PPM1L: variants seen among roughly 807,000 people sequenced by gnomAD.
PPM1L encodes the protein protein phosphatase, Mg2+/Mn2+ dependent 1L.
In PPM1L, 13 loss-of-function variants were observed where a neutral mutation model predicts 31.4. That is an observed-to-expected ratio of 0.41 (90% CI 0.27 to 0.66). The LOEUF (loss-of-function observed/expected upper bound fraction) is 0.66, where lower values mean the gene tolerates loss of function less well. Ranked by LOEUF, PPM1L falls within the 30% of genes least tolerant of loss-of-function variation. PPM1L has a pLI of 0.29. For missense variants in PPM1L, 326 were observed against 453.7 expected (o/e 0.72, Z 2.56); for synonymous variants, 184 against 175.4 (o/e 1.05, Z -0.39).
In PPM1L at chr3:160,849,883, G is replaced by C. The variant is rs529371136; in HGVS notation, c.399+93176G>C. 2.6e-5 allele frequency among the ~76,000 whole-genome samples: 4 copies of C among 152,298 alleles called. No individual in the cohort carries two copies. In the South Asian group the frequency reaches 8.3e-4, roughly 32 times the overall value. On this transcript the variant is annotated intron_variant, in intron 1 of 3. Coordinates refer to ENST00000498165, the MANE Select transcript of PPM1L (RefSeq NM_139245.4). Reference sequence around the variant, plus strand: ...GATTAGGAAAAACAAGCCATGCCTTGTCTTCCATACACTCACACCCAACAC... The same window carrying C: ...GATTAGGAAAAACAAGCCATGCCTTCTCTTCCATACACTCACACCCAACAC...
At chr3:160,757,711 C>G (rs1714851789) in intron 1 of PPM1L, among the ~76,000 whole-genome samples, 1 of 152,252 alleles carries the variant, frequency 6.6e-6, no homozygotes. Flanking sequence ...GGGTTCATTG[C>G]TGCATACTCT....
intron 1 of PPM1L, chr3:160,842,150 T>C: frequency 3.1e-6 from 2 of 655,248 alleles, no homozygotes; most frequent in South Asian, 3.4e-5. Flanking sequence ...TTTGTGTGCG[T>C]GCATCCTGAA....
chr3:160,832,898 T>C (rs1167508813), intron 1 of PPM1L, among the ~76,000 whole-genome samples: 6 of 152,146 alleles, frequency 3.9e-5, no homozygotes, highest in African/African-American at 1.4e-4. Flanking sequence ...ATTAGCTCTT[T>C]TTCCTAATGC....
intron 2 of PPM1L, among the ~76,000 whole-genome samples, chr3:161,031,417 G>A (rs1250762393): frequency 2.0e-5 from 3 of 151,654 alleles, no homozygotes; most frequent in African/African-American, 7.3e-5. Flanking sequence ...TAGGTTGTCT[G>A]ACTCCAAAGC....
intron 2 of PPM1L, among the ~76,000 whole-genome samples, chr3:161,062,323 C>G (rs1719597653): frequency 6.6e-6 from 1 of 152,156 alleles, no homozygotes; most frequent in African/African-American, 2.4e-5. Context: ...GTCACAGGAG[C>G]TGGGCACAGT....
chr3:160,850,614 C>T (rs1211334868), intron 1 of PPM1L, among the ~76,000 whole-genome samples: 1 of 152,156 alleles, frequency 6.6e-6, no homozygotes, highest in Admixed American at 6.5e-5. Flanking sequence ...AGCCTCCAGC[C>T]ACCAGCCATC....
At chr3:160,818,313 A>G (rs546941013) in intron 1 of PPM1L, among the ~76,000 whole-genome samples, 1 of 152,194 alleles carries the variant, frequency 6.6e-6, no homozygotes, top group Admixed American at 6.6e-5. Context: ...ATAGTGTCGG[A>G]CATGGTTTCT....
chr3:160,981,500 A>C (rs1412797004), intron 2 of PPM1L, among the ~76,000 whole-genome samples: 1 of 152,146 alleles, frequency 6.6e-6, no homozygotes, highest in African/African-American at 2.4e-5. Flanking sequence ...TTATAATGTG[A>C]ATGTCGAAAG....
rs188494702 is a variant in PPM1L, at chr3:161,031,531, C to T, written c.575-33872C>T. ...TTTTTTTTTTTTTGAGAGAGAGTCT[C>T]ACTCTGTCACCCATGCTGGAGTGCA... On this transcript the variant is annotated intron_variant, in intron 2 of 3. Transcript: ENST00000498165. Among the ~76,000 whole-genome samples the T allele has an allele frequency of 4.2e-3, 312 of 74,596 alleles. 1 individual carries two copies. The highest frequency in any genetic ancestry group is 0.026 in the Middle Eastern group (4 of 152). 48.9% of individuals were successfully genotyped at this position (74,596 alleles called of 152,430 possible).
intron 1 of PPM1L, among the ~76,000 whole-genome samples, chr3:160,759,326 TG>T (rs1714904550): frequency 6.6e-6 from 1 of 152,236 alleles, no homozygotes; most frequent in Non-Finnish European, 1.5e-5. Flanking sequence ...AGGGCCCGTC[TG>T]TAATTGTAGT....
chr3:161,042,184 A>G (rs1409332507), intron 2 of PPM1L, among the ~76,000 whole-genome samples: 3 of 152,100 alleles, frequency 2.0e-5, no homozygotes, highest in African/African-American at 7.2e-5. Context: ...ACTGTAATAG[A>G]AATGTTGTTT....
At chr3:161,009,660 C>G (rs920635692) in intron 2 of PPM1L, among the ~76,000 whole-genome samples, 2 of 152,154 alleles carry the variant, frequency 1.3e-5, no homozygotes, top group African/African-American at 4.8e-5. Flanking sequence ...ACAAATTACT[C>G]TTAAGTCAGA....
intron 1 of PPM1L, among the ~76,000 whole-genome samples, chr3:160,811,269 C>A (rs1712796462): frequency 6.6e-6 from 1 of 152,190 alleles, no homozygotes. Flanking sequence ...CCCCTCTTTT[C>A]TCCCCGTCTT....
chr3:160,984,199 A>T (rs1716893141), intron 2 of PPM1L, among the ~76,000 whole-genome samples: 1 of 152,158 alleles, frequency 6.6e-6, no homozygotes, highest in Admixed American at 6.5e-5. Context: ...ATAAAGGCAG[A>T]CACTCCCAGA....
At chr3:160,945,066 A>G (rs573594153) in intron 1 of PPM1L, among the ~76,000 whole-genome samples, 3 of 139,008 alleles carry the variant, frequency 2.2e-5, no homozygotes, top group Non-Finnish European at 3.1e-5. Context: ...ACTATATATA[A>G]CATGTTATAT....
intron 2 of PPM1L, among the ~76,000 whole-genome samples, chr3:161,053,504 T>C (rs1719331710): frequency 6.6e-6 from 1 of 152,224 alleles, no homozygotes; most frequent in Admixed American, 6.5e-5. Context: ...ACATTATTAT[T>C]ACAGCAGTTG....
intron 1 of PPM1L, among the ~76,000 whole-genome samples, chr3:160,798,542 A>T (rs141466374): frequency 1.3e-5 from 2 of 152,314 alleles, no homozygotes; most frequent in East Asian, 3.9e-4. Flanking sequence ...ATGATAGCAC[A>T]TCTGTTCACA....
rs547454301 is a variant in PPM1L at position 160,756,293 on chromosome 3, G to A, written c.-16G>A. On this transcript the variant is annotated 5_prime_UTR_variant, in exon 1 of 4. Transcript: ENST00000498165. The surrounding 1 kb of genome is among the most constrained non-coding windows in gnomAD (Gnocchi z 6.2). ...GCGCGCGTCGCTGGTGGTGGTTGAG[G>A]CTCTAGCGATAATAAATGATAGAGG... is the stretch of plus-strand genomic sequence containing the variant. 75 of 1,594,864 alleles carry A rather than the reference G, an allele frequency of 4.7e-5. No individual in the cohort carries two copies. In the South Asian group the frequency reaches 7.0e-4, roughly 15 times the overall value.
chr3:160,880,188 A>C (rs1712662431), intron 1 of PPM1L, among the ~76,000 whole-genome samples: 2 of 152,050 alleles, frequency 1.3e-5, no homozygotes, highest in Non-Finnish European at 1.5e-5. Flanking sequence ...TTTTGCTTTG[A>C]CCATTTTTTT....
Sources: gnomAD v4.1 joint callset for allele counts (sites outside exome capture counted in the v4.1 genomes callset) on GRCh38, gnomAD v4.1.1 for gene constraint, Gnocchi (gnomAD v3.1) non-coding constraint, MANE v1.5 for transcripts, NCBI Gene and HGNC (gene_info 2026-07-23, HGNC 2026-07-21) for gene names.